ITGA7: variants seen among roughly 807,000 people sequenced by gnomAD.
ITGA7 encodes the protein integrin subunit alpha 7, also known as integrin alpha-7.
In ITGA7, 84 loss-of-function variants were observed where a neutral mutation model predicts 131.6. The ratio of observed to expected loss-of-function variants is 0.64; its 90% confidence interval spans 0.54 to 0.77. ITGA7 has a LOEUF of 0.77. ITGA7 is among the 30% of genes least tolerant of loss of function. The pLI is 0.00. For synonymous variants in ITGA7, 548 were observed against 600.7 expected (o/e 0.91, Z 1.28); for missense variants, 1,399 against 1,482.9 (o/e 0.94, Z 0.93).
At chr12:55,712,651 C>T (rs1876218540), upstream of ITGA7, among the ~76,000 whole-genome samples, 1 of 152,180 alleles carries the variant, frequency 6.6e-6, no homozygotes, top group African/African-American at 2.4e-5. Context: ...GAGTCATTCT[C>T]CAGATAGATA....
chr12:55,689,774 A>G (rs1029896711), intron 21 of ITGA7, among the ~76,000 whole-genome samples: 5 of 152,218 alleles, frequency 3.3e-5, no homozygotes, highest in African/African-American at 1.2e-4. Context: ...CAAAACAGAG[A>G]TATAGATCAA....
In ITGA7 at chr12:55,688,074, T is replaced by A; in HGVS notation, c.3080A>T (p.Asp1027Val). ...TCCTTCTGCCACCACAGCCATGGGG[T>A]CCAAGTATACCATCACTGGGATCTG... ...STVIPVMVYLDPMAVVAEGVP... is the reference protein window; with the variant it reads ...STVIPVMVYLVPMAVVAEGVP... Residue 1027 changes from aspartate to valine, a missense_variant, in exon 24 of 25, where the codon GAC (aspartate) becomes GTC (valine). Coordinates refer to ENST00000257879, the MANE Select transcript of ITGA7 (RefSeq NM_002206.3). 6.2e-7 allele frequency: 1 copy of A among 1,613,924 alleles called. No individual in the cohort carries two copies. Among genetic ancestry groups the A allele is most frequent in the South Asian group, 1.1e-5 (1 of 91,060 alleles).
upstream of ITGA7, chr12:55,712,551 G>A (rs998118446): frequency 1.1e-5 from 6 of 524,132 alleles, no homozygotes; most frequent in Middle Eastern, 4.8e-4. Context: ...GAAGAAAGGA[G>A]TGTGGAGTTG....
chr12:55,703,896 T>C lies in ITGA7; in HGVS notation c.207-718A>G, dbSNP rs189318211. 7.5e-4 allele frequency among the ~76,000 whole-genome samples: 114 copies of C among 152,234 alleles called. 1 individual carries two copies. The highest frequency in any genetic ancestry group is 2.6e-3 in the African/African-American group (109 of 41,534). On this transcript the variant is annotated intron_variant, in intron 1 of 24. Transcript: ENST00000257879. ...CTTCCTTCTCCCCATGTCCATGATT[T>C]CTCCTTCCCTTCCACCCCCACCCAG...
chr12:55,690,094 T>C (rs1171593014), intron 21 of ITGA7, among the ~76,000 whole-genome samples: 3 of 152,054 alleles, frequency 2.0e-5, no homozygotes, highest in Non-Finnish European at 4.4e-5. Flanking sequence ...CCAAAAGCAA[T>C]GGCAACAAAA....
rs1565611769 is a variant in ITGA7, at chr12:55,688,275, TC to T, written c.2983del (p.Glu995LysfsTer2). The T allele has an allele frequency of 6.2e-7, 1 of 1,614,022 alleles. No homozygotes were observed. The highest frequency in any genetic ancestry group is 2.2e-5 in the East Asian group (1 of 44,872). ...LEEYSAVKSL[E>X]VIVRANITVK... ...TGTGATGTTGGCCCGGACAATCACTTCCAGGGACTTCACAGCTGAGTACTCC... is the reference window on the plus strand; with the variant it reads ...TGTGATGTTGGCCCGGACAATCACTTCAGGGACTTCACAGCTGAGTACTCC... On this transcript the variant is annotated frameshift_variant, in exon 23 of 25. Transcript: ENST00000257879. LOFTEE classifies it high-confidence loss of function.
chr12:55,692,794 A>T (rs1871728423), intron 21 of ITGA7, 50 bp downstream of exon 21: 11 of 1,561,902 alleles, frequency 7.0e-6, no homozygotes, highest in Admixed American at 1.9e-5. Flanking sequence ...CCCTTCCTGG[A>T]CACGCAGCAC....
rs768326490 is a variant in ITGA7, at chr12:55,696,381, G to A, written c.1789C>T (p.Leu597Phe). Reference sequence around the variant, plus strand: ...TGTCGCCGGAGCCGAGGGGTCTGGAGACTGTAGGACAAGGTCACTACAATG... The same window carrying A: ...TGTCGCCGGAGCCGAGGGGTCTGGAAACTGTAGGACAAGGTCACTACAATG... The part of the protein sequence containing the change: ...RAIVVTLSYS[L>F]QTPRLRRQAP... The change falls in exon 13 of 25, where the codon CTC (leucine) becomes TTC (phenylalanine). Residue 597 changes from leucine (L) to phenylalanine (F), a missense_variant. Physicochemically the swap from Leu to Phe is conservative, Grantham distance 22 (BLOSUM62 0). Coordinates refer to ENST00000257879, the MANE Select transcript of ITGA7 (RefSeq NM_002206.3). The A allele has an allele frequency of 1.3e-6, 2 of 1,598,668 alleles. No individual in the cohort carries two copies. The highest frequency in any genetic ancestry group is 1.7e-6 in the Non-Finnish European group (2 of 1,171,378).
chr12:55,714,749 T>TATACATACATATATACACATATATACGG (rs1876387722), upstream of ITGA7, among the ~76,000 whole-genome samples: 1 of 150,176 alleles, frequency 6.7e-6, no homozygotes, highest in Non-Finnish European at 1.5e-5. Context: ...CATATATACG[T>TATACATACATATATACACATATATACGG]ATACATACAT....
intron 21 of ITGA7, among the ~76,000 whole-genome samples, chr12:55,692,245 C>T (rs992494824): frequency 4.6e-5 from 7 of 152,060 alleles, no homozygotes; most frequent in Non-Finnish European, 1.0e-4. Context: ...GGTGAAACCC[C>T]GTCTCTACTA....
At chr12:55,689,814 G>A (rs927139786) in intron 21 of ITGA7, among the ~76,000 whole-genome samples, 9 of 152,060 alleles carry the variant, frequency 5.9e-5, no homozygotes, top group Non-Finnish European at 5.9e-5. Context: ...CAGAAATAAC[G>A]CCACATATCT....
chr12:55,685,136 C>T lies in ITGA7; in HGVS notation c.3336G>A (p.Pro1112=), dbSNP rs1473457136. ...CAGCAGCCAGGATGGGGTGTGCATC[C>T]GGGCCCTCCCGCCGGGGGCTGCCCC... The part of the protein sequence containing the change: ...NNWGSPRREG[P]DAHPILAADG... The change falls in exon 25 of 25, where the codon CCG becomes CCA. Residue 1112 remains proline, a synonymous_variant. Transcript: ENST00000257879. The T allele has an allele frequency of 1.2e-5, 20 of 1,613,204 alleles. No homozygotes were observed. The highest frequency in any genetic ancestry group is 4.0e-5 in the African/African-American group (3 of 74,932).
rs1872099033 is a variant in ITGA7 at position 55,694,167 on chromosome 12, T to C, written c.2433-44A>G. The C allele has an allele frequency of 1.2e-6, 2 of 1,610,712 alleles. No homozygotes were observed. On this transcript the variant is annotated intron_variant, in intron 18 of 24. Transcript: ENST00000257879. This position sits in a 1 kb window ranked among gnomAD's most constrained non-coding sequence, Gnocchi z 5.3. ...AACAGGGGTGAGAAGGTCTGGGGCC[T>C]GGCTCAATGAAGGCAGGGCCCTGGC...
chr12:55,687,828 G>C lies in ITGA7; in HGVS notation c.3183+143C>G, dbSNP rs539024654. 6 of 1,113,956 alleles carry C rather than the reference G, an allele frequency of 5.4e-6. No homozygotes were observed. In the African/African-American group the frequency reaches 7.6e-5, roughly 14 times the overall value. The allele number at this position is 1,113,956 out of a possible 1,614,324, so 69.0% of individuals were successfully genotyped here. A position where few individuals can be genotyped will look rare whatever the true frequency, so the allele number is the denominator to read the frequency against. On this transcript the variant is annotated intron_variant, in intron 24 of 24. Transcript: ENST00000257879. ...TCTTTGAAACATCCAGGGACTAATA[G>C]AGTTCCTGAGACATGCAGGGCAAGT...
At chr12:55,691,357 T>G (rs1477146245) in intron 21 of ITGA7, among the ~76,000 whole-genome samples, 1 of 151,896 alleles carries the variant, frequency 6.6e-6, no homozygotes, top group African/African-American at 2.4e-5. Flanking sequence ...GGTCAAAAGA[T>G]ACAAAGTTTC....
At chr12:55,687,856 T>TC (rs1372424187) in intron 24 of ITGA7, 115 bp downstream of exon 24, 23 of 1,364,392 alleles carry the variant, frequency 1.7e-5, no homozygotes, top group Admixed American at 1.0e-4. Flanking sequence ...GGGCAAGTGT[T>TC]CAGTGCAGAT....
upstream of ITGA7, among the ~76,000 whole-genome samples, chr12:55,713,954 G>A (rs928144917): frequency 5.3e-5 from 8 of 152,258 alleles, no homozygotes; most frequent in South Asian, 4.1e-4. Flanking sequence ...ATATAATGAC[G>A]TCAACTTCAA....
chr12:55,714,331 TGAA>T (rs1207331370), upstream of ITGA7, among the ~76,000 whole-genome samples: 4 of 149,514 alleles, frequency 2.7e-5, no homozygotes, highest in East Asian at 6.0e-4. Context: ...GCTAAAACGG[TGAA>T]ACCCCGTCTC....
intron 3 of ITGA7, among the ~76,000 whole-genome samples, chr12:55,701,827 AATC>A (rs1874087479): frequency 6.6e-6 from 1 of 152,090 alleles, no homozygotes; most frequent in South Asian, 2.1e-4. Flanking sequence ...GCCTGGCTCA[AATC>A]ATCCCCTCTG....
Sources: allele counts gnomAD v4.1 joint callset (sites outside exome capture counted in the v4.1 genomes callset), GRCh38; gene constraint gnomAD v4.1.1; non-coding constraint Gnocchi (gnomAD v3.1); transcripts MANE v1.5; gene names NCBI Gene and HGNC (gene_info 2026-07-23, HGNC 2026-07-21).